Variants in FOXN3 observed in about 807,000 individuals in gnomAD.
The protein encoded by FOXN3 is forkhead box protein N3.
Under a neutral mutation model 38.4 loss-of-function variants are expected in FOXN3, and 7 were observed. The observed-to-expected ratio is 0.18, with a 90% CI of 0.10 to 0.34. FOXN3 has a LOEUF of 0.34. Ranked by LOEUF, FOXN3 falls within the 10% of genes least tolerant of loss-of-function variation. The probability of loss-of-function intolerance (pLI) is 1.00; values close to 1 mark genes in which losing one functional copy is unlikely to be tolerated. For synonymous variants in FOXN3, 230 were observed against 242.2 expected (o/e 0.95, Z 0.47); for missense variants, 456 against 613.4 (o/e 0.74, Z 2.71).
chr14:89,196,261 T>C (rs1696230181), intron 4 of FOXN3, among the ~76,000 whole-genome samples: 1 of 152,184 alleles, frequency 6.6e-6, no homozygotes, highest in African/African-American at 2.4e-5. Context: ...GGTCCAGCTA[T>C]TTGGGTGAAG....
intron 1 of FOXN3, among the ~76,000 whole-genome samples, chr14:89,613,618 T>C (rs1327969145): frequency 6.6e-6 from 1 of 151,834 alleles, no homozygotes; most frequent in Non-Finnish European, 1.5e-5. Context: ...ATATTTCATA[T>C]GTAATTTTTT....
At chr14:89,292,355 G>A (rs1199671706) in intron 3 of FOXN3, among the ~76,000 whole-genome samples, 7 of 152,080 alleles carry the variant, frequency 4.6e-5, no homozygotes, top group South Asian at 4.1e-4. Context: ...AGCTGGCACC[G>A]ACAGCGCAGC....
intron 2 of FOXN3, among the ~76,000 whole-genome samples, chr14:89,372,261 A>G (rs1489664287): frequency 6.6e-6 from 1 of 152,204 alleles, no homozygotes; most frequent in African/African-American, 2.4e-5. Flanking sequence ...AAACTTGAAA[A>G]AACAGAATTC....
At chr14:89,302,499 T>C (rs1368308219) in intron 3 of FOXN3, among the ~76,000 whole-genome samples, 1 of 152,178 alleles carries the variant, frequency 6.6e-6, no homozygotes, top group Non-Finnish European at 1.5e-5. Flanking sequence ...ACCACACAAT[T>C]GAAGCTTTAA....
chr14:89,277,127 A>G (rs529086491), intron 4 of FOXN3, among the ~76,000 whole-genome samples: 1 of 152,344 alleles, frequency 6.6e-6, no homozygotes, highest in Admixed American at 6.5e-5. Flanking sequence ...GAGTTTGGAA[A>G]TGGGAAAATA....
At chr14:89,170,943 C>T (rs1440987647) in intron 5 of FOXN3, among the ~76,000 whole-genome samples, 1 of 151,370 alleles carries the variant, frequency 6.6e-6, no homozygotes, top group African/African-American at 2.4e-5. Context: ...AATAAAAGTA[C>T]ACAATCTAGA....
intron 1 of FOXN3, among the ~76,000 whole-genome samples, chr14:89,578,122 T>C (rs1274917034): frequency 6.6e-6 from 1 of 152,204 alleles, no homozygotes; most frequent in African/African-American, 2.4e-5. Flanking sequence ...TTTGAATTTA[T>C]GCTGGGATGA....
chr14:89,354,194 A>G (rs1392444609), intron 2 of FOXN3, among the ~76,000 whole-genome samples: 1 of 152,058 alleles, frequency 6.6e-6, no homozygotes, highest in East Asian at 1.9e-4. Flanking sequence ...TCATCTGAAG[A>G]CAAGAATATG....
At chr14:89,319,967 T>G (rs536408657) in intron 3 of FOXN3, among the ~76,000 whole-genome samples, 1 of 152,364 alleles carries the variant, frequency 6.6e-6, no homozygotes, top group East Asian at 1.9e-4. Flanking sequence ...AGCTCAAGGA[T>G]GACGCTTTGC....
At chr14:89,240,482 C>T (rs1885107753) in intron 4 of FOXN3, among the ~76,000 whole-genome samples, 1 of 152,196 alleles carries the variant, frequency 6.6e-6, no homozygotes, top group Admixed American at 6.5e-5. Flanking sequence ...GGCTTGAATA[C>T]ATCTGGTACA....
intron 1 of FOXN3, among the ~76,000 whole-genome samples, chr14:89,440,852 A>C (rs1456608326): frequency 6.6e-6 from 1 of 152,202 alleles, no homozygotes; most frequent in East Asian, 1.9e-4. Context: ...GTCAATGGGC[A>C]ACAGTGGGAC....
intron 4 of FOXN3, among the ~76,000 whole-genome samples, chr14:89,191,766 A>G (rs888811747): frequency 1.1e-4 from 17 of 151,388 alleles, no homozygotes; most frequent in Non-Finnish European, 2.2e-4. Flanking sequence ...AAAAAAAAAA[A>G]TAGAACTTGA....
At chr14:89,325,286 ACAC>A (rs1235139141) in intron 3 of FOXN3, among the ~76,000 whole-genome samples, 7 of 74,344 alleles carry the variant, frequency 9.4e-5, no homozygotes, top group Non-Finnish European at 1.5e-4. Flanking sequence ...ACCAACACCA[ACAC>A]CACCAACACC....
At chr14:89,535,672 C>T (rs1894669943) in intron 1 of FOXN3, among the ~76,000 whole-genome samples, 1 of 152,172 alleles carries the variant, frequency 6.6e-6, no homozygotes, top group Non-Finnish European at 1.5e-5. Flanking sequence ...CTGAGTTTGC[C>T]AAACCTACTT....
chr14:89,235,894 C>T (rs1017209969), intron 4 of FOXN3, among the ~76,000 whole-genome samples: 2 of 137,686 alleles, frequency 1.5e-5, no homozygotes, highest in African/African-American at 7.2e-5. Context: ...ATCTCCAGAA[C>T]TGTAAGATTA....
chr14:89,579,024 T>C (rs1895691173), intron 1 of FOXN3, among the ~76,000 whole-genome samples: 1 of 151,998 alleles, frequency 6.6e-6, no homozygotes, highest in Non-Finnish European at 1.5e-5. Context: ...ATTTTTTAAA[T>C]TTTTTTCTAG....
At chr14:89,233,795 C>T (rs1434777067) in intron 4 of FOXN3, among the ~76,000 whole-genome samples, 1 of 152,176 alleles carries the variant, frequency 6.6e-6, no homozygotes, top group Non-Finnish European at 1.5e-5. Context: ...CAAGATACTC[C>T]CTGGGATAGT....
At chr14:89,262,053 G>A (rs1386312859) in intron 4 of FOXN3, among the ~76,000 whole-genome samples, 4 of 152,098 alleles carry the variant, frequency 2.6e-5, no homozygotes, top group Admixed American at 1.3e-4. Context: ...GCAGTGAGCC[G>A]AGATCGCGCA....
chr14:89,546,815 G>C (rs371480807), intron 1 of FOXN3, among the ~76,000 whole-genome samples: 12 of 151,740 alleles, frequency 7.9e-5, no homozygotes, highest in African/African-American at 2.9e-4. Flanking sequence ...ACAGAGTCTC[G>C]CTCTGTCAGC....
Sources: allele counts gnomAD v4.1 joint callset (sites outside exome capture counted in the v4.1 genomes callset), GRCh38; gene constraint gnomAD v4.1.1; transcripts MANE v1.5; gene names NCBI Gene and HGNC (gene_info 2026-07-23, HGNC 2026-07-21).